Variants in ESF1 observed in about 807,000 individuals in gnomAD.
ESF1 encodes the protein ESF1 homolog.
A neutral mutation model predicts 92.0 loss-of-function variants in ESF1; 58 were observed. That is an observed-to-expected ratio of 0.63 (90% CI 0.51 to 0.78). The LOEUF (loss-of-function observed/expected upper bound fraction) is 0.78, where lower values mean the gene tolerates loss of function less well. ESF1 is among the 30% of genes least tolerant of loss of function. The probability of loss-of-function intolerance (pLI) is 0.00; values close to 1 mark genes in which losing one functional copy is unlikely to be tolerated. For missense variants in ESF1, 922 were observed against 989.1 expected (o/e 0.93, Z 0.91); for synonymous variants, 321 against 313.7 (o/e 1.02, Z -0.24).
intron 9 of ESF1, among the ~76,000 whole-genome samples, chr20:13,757,303 T>C (rs1208064452): frequency 6.6e-6 from 1 of 152,168 alleles, no homozygotes; most frequent in African/African-American, 2.4e-5. Context: ...CAAGGTGGGG[T>C]TTATCTGAGG....
At chr20:13,735,364 C>A (rs1178425870) in intron 9 of ESF1, among the ~76,000 whole-genome samples, 1 of 152,110 alleles carries the variant, frequency 6.6e-6, no homozygotes, top group African/African-American at 2.4e-5. Flanking sequence ...CTGTTAGGAT[C>A]TCTAACTTAC....
intron 11 of ESF1, 30 bp downstream of exon 11, chr20:13,728,348 G>C: frequency 6.5e-7 from 1 of 1,541,218 alleles, no homozygotes; most frequent in African/African-American, 1.4e-5. Flanking sequence ...TTAGATTCCA[G>C]TTGAAAACTA....
At chr20:13,775,351 G>T in intron 3 of ESF1, 81 bp from the exon 4 acceptor site, 1 of 868,230 alleles carries the variant, frequency 1.2e-6, no homozygotes, top group Non-Finnish European at 1.8e-6. Flanking sequence ...AAAATGTAAT[G>T]CCTTCTGTCC....
rs969309025 is a variant in ESF1, at chr20:13,714,771, C to A, written c.*103G>T. ...ACTATGTCCAGAAAAAGATTTTATTCATGTTCTTGAAAGATAGCTTTGTTC... is the reference window on the plus strand; with the variant it reads ...ACTATGTCCAGAAAAAGATTTTATTAATGTTCTTGAAAGATAGCTTTGTTC... On this transcript the variant is annotated 3_prime_UTR_variant, in exon 14 of 14. Coordinates refer to ENST00000617257, the MANE Select transcript of ESF1 (RefSeq NM_001276380.2). 26 of 1,053,392 alleles carry A rather than the reference C, an allele frequency of 2.5e-5. No homozygotes were observed. Among genetic ancestry groups the A allele is most frequent in the Non-Finnish European group, 3.4e-5 (26 of 757,658 alleles). The allele number at this position is 1,053,392 out of a possible 1,614,324, so 65.3% of individuals were successfully genotyped here.
At chr20:13,783,256 CAATATATTCTAAGTT>C (rs1258017395) in intron 1 of ESF1, 73 bp from the exon 2 acceptor site, 4 of 627,672 alleles carry the variant, frequency 6.4e-6, no homozygotes, top group Non-Finnish European at 9.4e-6. Flanking sequence ...AACACATTCA[CAATATATTCTAAGTT>C]AATATATTCT....
intron 9 of ESF1, among the ~76,000 whole-genome samples, chr20:13,741,772 C>G (rs1017192832): frequency 1.2e-4 from 18 of 151,980 alleles, no homozygotes; most frequent in African/African-American, 4.4e-4. Flanking sequence ...ATAAATCTGA[C>G]AATATTAAAA....
intron 11 of ESF1, among the ~76,000 whole-genome samples, chr20:13,722,276 G>C (rs560470461): frequency 6.6e-6 from 1 of 152,204 alleles, no homozygotes; most frequent in Admixed American, 6.5e-5. Flanking sequence ...GGCTAAACAT[G>C]ATATCCGGTT....
At chr20:13,727,068 C>T (rs2049905124) in intron 11 of ESF1, among the ~76,000 whole-genome samples, 1 of 152,214 alleles carries the variant, frequency 6.6e-6, no homozygotes. Context: ...CTACCCCAAG[C>T]CATCAAACCA....
chr20:13,764,464 T>G (rs1388220233), intron 8 of ESF1, among the ~76,000 whole-genome samples: 1 of 152,168 alleles, frequency 6.6e-6, no homozygotes, highest in Non-Finnish European at 1.5e-5. Flanking sequence ...CAGCTGATTC[T>G]TCAACAACAT....
intron 9 of ESF1, among the ~76,000 whole-genome samples, chr20:13,735,294 T>C (rs959509465): frequency 1.3e-5 from 2 of 152,104 alleles, no homozygotes; most frequent in Non-Finnish European, 2.9e-5. Context: ...CTTAGAAAAG[T>C]ATTAATGTTA....
At chr20:13,769,455 T>G (rs946121810) in intron 7 of ESF1, among the ~76,000 whole-genome samples, 11 of 152,220 alleles carry the variant, frequency 7.2e-5, no homozygotes, top group Non-Finnish European at 1.2e-4. Flanking sequence ...GACACGCTTG[T>G]GTCTCATTTC....
intron 9 of ESF1, among the ~76,000 whole-genome samples, chr20:13,748,451 T>C (rs1048811305): frequency 0.023 from 2,846 of 124,636 alleles, 98 homozygotes; most frequent in East Asian, 0.13. Flanking sequence ...CATATATACA[T>C]ATATATACAT....
Position 13,766,864 on chromosome 20 carries a change from T to G in ESF1, c.1579A>C (p.Lys527Gln). Residue 527 changes from lysine to glutamine, a missense_variant, in exon 8 of 14, where the codon AAA (lysine) becomes CAA (glutamine). By Grantham distance (53) the Lys-to-Gln change is moderately conservative (BLOSUM62 1). Transcript: ENST00000617257. ...ERITMLNRKFKKEELLDMDFQ... is the reference protein window; with the variant it reads ...ERITMLNRKFQKEELLDMDFQ... ...TCCATGTCCAAAAGCTCTTCCTTTT[T>G]AAACTTCCTGTTGAGCATTGTAATT... 2 of 1,613,922 alleles carry G rather than the reference T, an allele frequency of 1.2e-6. No homozygotes were observed. Among genetic ancestry groups the G allele is most frequent in the Non-Finnish European group, 1.7e-6 (2 of 1,179,952 alleles).
Position 13,730,540 on chromosome 20 carries a change from C to T in ESF1, c.1951-2075G>A, listed in dbSNP as rs187092316. Reference sequence around the variant, plus strand: ...CTGGGACCACAGGTGCCCGCCACCACGCCCAGCTAATTTTTTTGTATTTTC... The same window carrying T: ...CTGGGACCACAGGTGCCCGCCACCATGCCCAGCTAATTTTTTTGTATTTTC... On this transcript the variant is annotated intron_variant, in intron 10 of 13. Transcript: ENST00000617257. Among the ~76,000 whole-genome samples the T allele has an allele frequency of 3.9e-4, 59 of 151,918 alleles. 3 individuals carry two copies. Among genetic ancestry groups the T allele is most frequent in the Middle Eastern group, 3.4e-3 (1 of 294 alleles).
chr20:13,771,493 GA>G lies in ESF1; in HGVS notation c.1251-11del. ...TTTTTCTCTAGACGTCCTAAAGTGG[GA>G]AAAACTTATTAAGCATACTTATACA... On this transcript the variant is annotated splice_polypyrimidine_tract_variant and intron_variant, in intron 5 of 13. Coordinates refer to ENST00000617257, the MANE Select transcript of ESF1 (RefSeq NM_001276380.2). The G allele has an allele frequency of 1.2e-6, 2 of 1,604,538 alleles. No individual in the cohort carries two copies. Among genetic ancestry groups the G allele is most frequent in the Non-Finnish European group, 1.7e-6 (2 of 1,175,358 alleles).
intron 9 of ESF1, among the ~76,000 whole-genome samples, chr20:13,758,235 T>C (rs1978990513): frequency 1.3e-5 from 2 of 152,252 alleles, no homozygotes; most frequent in Admixed American, 1.3e-4. Flanking sequence ...TAAGTCTTCA[T>C]TTACATATTC....
Position 13,734,956 on chromosome 20 carries a change from T to A in ESF1, c.1829-1114A>T, listed in dbSNP as rs371782536. Among the ~76,000 whole-genome samples the A allele has an allele frequency of 6.2e-4, 94 of 152,212 alleles. 1 individual carries two copies. Among genetic ancestry groups the A allele is most frequent in the African/African-American group, 2.2e-3 (90 of 41,572 alleles). On this transcript the variant is annotated intron_variant, in intron 9 of 13. Coordinates refer to ENST00000617257, the MANE Select transcript of ESF1 (RefSeq NM_001276380.2). ...CAGCTAAATTTTGAATTCCTGGTCA[T>A]CCTCTCTTCTATTATCAGATACATC...
chr20:13,774,716 T>C (rs1262145741), intron 4 of ESF1, among the ~76,000 whole-genome samples: 2 of 152,228 alleles, frequency 1.3e-5, no homozygotes, highest in Non-Finnish European at 2.9e-5. Flanking sequence ...TATGGTATCC[T>C]CAAAATTTAT....
rs752011713 is a variant in ESF1 at position 13,733,856 on chromosome 20, C to T, written c.1829-14G>A. The T allele has an allele frequency of 5.7e-6, 9 of 1,591,522 alleles. No homozygotes were observed. Among genetic ancestry groups the T allele is most frequent in the South Asian group, 2.3e-5 (2 of 85,398 alleles). ...TTTCTTTAAGACCTGAGGAAAAATC[C>T]AAATAGTTTAGCTTAAAATGTCTTA... is the stretch of plus-strand genomic sequence containing the variant. On this transcript the variant is annotated splice_polypyrimidine_tract_variant and intron_variant, in intron 9 of 13. Coordinates refer to ENST00000617257, the MANE Select transcript of ESF1 (RefSeq NM_001276380.2).
Sources: gnomAD v4.1 joint callset for allele counts (sites outside exome capture counted in the v4.1 genomes callset) on GRCh38, gnomAD v4.1.1 for gene constraint, MANE v1.5 for transcripts, NCBI Gene and HGNC (gene_info 2026-07-23, HGNC 2026-07-21) for gene names.